The following MTA3 variants were observed in gnomAD, a reference collection of about 807,000 sequenced individuals.
The protein encoded by MTA3 is metastasis-associated protein MTA3.
In MTA3, 34 loss-of-function variants were observed where a neutral mutation model predicts 83.5. That is an observed-to-expected ratio of 0.41 (90% CI 0.31 to 0.54). The LOEUF (loss-of-function observed/expected upper bound fraction) is 0.54, where lower values mean the gene tolerates loss of function less well. Among genes scored for constraint, MTA3 ranks in the 20% least tolerant of loss-of-function variants. The pLI, the probability that MTA3 is intolerant of heterozygous loss-of-function variation, is 0.33. For missense variants in MTA3, 761 were observed against 726.4 expected, an observed-to-expected ratio of 1.05 and a Z score of -0.55; for synonymous variants, 303 against 252.7, an observed-to-expected ratio of 1.20 and a Z score of -1.89.
At chr2:42,661,515 A>G (rs1689710500) in intron 8 of MTA3, among the ~76,000 whole-genome samples, 1 of 145,304 alleles carries the variant, frequency 6.9e-6, no homozygotes, top group Admixed American at 7.1e-5. Context: ...TCAAAAAAAA[A>G]AAAAAAAAAA....
upstream of MTA3, chr2:42,494,168 G>C (rs1674021246): frequency 6.6e-6 from 1 of 152,270 alleles, no homozygotes; most frequent in East Asian, 1.9e-4. Context: ...CCCCGCCCTG[G>C]ACCTCGGGCT....
At chr2:42,590,341 G>C (rs552300973) in intron 3 of MTA3, among the ~76,000 whole-genome samples, 1 of 152,128 alleles carries the variant, frequency 6.6e-6, no homozygotes, top group East Asian at 1.9e-4. Flanking sequence ...TAGTTCCCTA[G>C]AGAGCTGGTT....
chr2:42,753,935 G>A lies in MTA3; in HGVS notation c.*536G>A, dbSNP rs1670067459. The A allele has an allele frequency of 5.1e-6, 5 of 985,736 alleles. No individual in the cohort carries two copies. Among genetic ancestry groups the A allele is most frequent in the South Asian group, 4.7e-5 (1 of 21,422 alleles). The allele number at this position is 985,736 out of a possible 1,614,324, so 61.1% of individuals were successfully genotyped here. A position where few individuals can be genotyped will look rare whatever the true frequency, so the allele number is the denominator to read the frequency against. The stretch of plus-strand genomic sequence containing the variant: ...TGTTACCGTCACTCAGCTTTTTCTC[G>A]ATAGGCTTCATCCTTGTTTTTTTGA... On this transcript the variant is annotated 3_prime_UTR_variant, in exon 17 of 17. Transcript: ENST00000405094.
chr2:42,608,353 C>T (rs1265680232), intron 3 of MTA3, among the ~76,000 whole-genome samples: 1 of 152,002 alleles, frequency 6.6e-6, no homozygotes, highest in East Asian at 1.9e-4. Context: ...AGTAAATGGC[C>T]CTTTTAGTGC....
chr2:42,577,091 TAA>T (rs1173783991), intron 2 of MTA3, among the ~76,000 whole-genome samples: 2 of 19,214 alleles, frequency 1.0e-4, no homozygotes, highest in African/African-American at 3.2e-4. Flanking sequence ...GTACTCCATC[TAA>T]AAAAAAAAAA....
chr2:42,659,654 CTT>C, intron 7 of MTA3, 107 bp from the exon 8 acceptor site: 2 of 732,992 alleles, frequency 2.7e-6, no homozygotes, highest in Non-Finnish European at 1.9e-6. Context: ...GTTTTTGCCT[CTT>C]CTTTTACAGT....
intron 2 of MTA3, among the ~76,000 whole-genome samples, chr2:42,501,787 G>C (rs1450437729): frequency 1.3e-5 from 2 of 152,088 alleles, no homozygotes; most frequent in Non-Finnish European, 2.9e-5. Context: ...AGACCAGCCT[G>C]GGCAACATGG....
At chr2:42,620,058 A>T (rs1009896617) in intron 4 of MTA3, among the ~76,000 whole-genome samples, 11 of 151,836 alleles carry the variant, frequency 7.2e-5, no homozygotes, top group South Asian at 4.1e-4. Context: ...ATACAGTGGC[A>T]TTTAGCACGT....
chr2:42,541,621 G>A (rs542537070), intron 2 of MTA3, among the ~76,000 whole-genome samples: 131 of 152,314 alleles, frequency 8.6e-4, no homozygotes, highest in Non-Finnish European at 1.6e-3. Context: ...GGTGTATTAA[G>A]TGTGTTTTTG....
chr2:42,624,133 A>C (rs1173202761), intron 4 of MTA3, among the ~76,000 whole-genome samples: 2 of 152,066 alleles, frequency 1.3e-5, no homozygotes, highest in East Asian at 3.8e-4. Context: ...TTAGGATGTT[A>C]CTGGAAGTCA....
At chr2:42,498,816 C>T (rs997702059) in intron 2 of MTA3, among the ~76,000 whole-genome samples, 1 of 152,136 alleles carries the variant, frequency 6.6e-6, no homozygotes, top group Non-Finnish European at 1.5e-5. Context: ...ATTGAAAACT[C>T]CTATTTTTAG....
At chr2:42,743,219 A>G (rs989065530) in intron 16 of MTA3, among the ~76,000 whole-genome samples, 2 of 152,230 alleles carry the variant, frequency 1.3e-5, no homozygotes, top group African/African-American at 4.8e-5. Flanking sequence ...TTCCACAGTG[A>G]CAACTACTTG....
At chr2:42,583,673 C>T (rs1281370998) in intron 3 of MTA3, among the ~76,000 whole-genome samples, 2 of 151,958 alleles carry the variant, frequency 1.3e-5, no homozygotes, top group Admixed American at 6.6e-5. Flanking sequence ...AGAGTACACG[C>T]GCATGCCACC....
At chr2:42,595,440 T>C (rs1681683939) in intron 3 of MTA3, among the ~76,000 whole-genome samples, 1 of 152,156 alleles carries the variant, frequency 6.6e-6, no homozygotes, top group Non-Finnish European at 1.5e-5. Context: ...GCCACATGTG[T>C]GTCCTTTTCT....
chr2:42,527,720 A>G (rs1397897072), intron 2 of MTA3, among the ~76,000 whole-genome samples: 2 of 151,928 alleles, frequency 1.3e-5, no homozygotes, highest in Non-Finnish European at 2.9e-5. Flanking sequence ...ATCAGGCATG[A>G]TGGCATTTGC....
chr2:42,619,799 G>A (rs934222013), intron 4 of MTA3, among the ~76,000 whole-genome samples: 1 of 152,116 alleles, frequency 6.6e-6, no homozygotes, highest in African/African-American at 2.4e-5. Flanking sequence ...ACAGTAAGAT[G>A]TTACTTACCT....
At chr2:42,714,214 T>A (rs1666860824) in intron 14 of MTA3, among the ~76,000 whole-genome samples, 1 of 152,218 alleles carries the variant, frequency 6.6e-6, no homozygotes, top group Non-Finnish European at 1.5e-5. Context: ...TTTTTGCCCG[T>A]GGCCTGTTTT....
intron 16 of MTA3, chr2:42,723,417 G>A (rs187450718): frequency 6.7e-4 from 114 of 171,270 alleles, no homozygotes; most frequent in Non-Finnish European, 2.9e-4. Flanking sequence ...GGGTTCTTCA[G>A]TGTTCCATGG....
intron 4 of MTA3, chr2:42,613,552 A>AAGG (rs1441273552): frequency 2.0e-5 from 3 of 152,204 alleles, no homozygotes; most frequent in Non-Finnish European, 2.9e-5. Flanking sequence ...TTGGCTTTAA[A>AAGG]AGGAGAAAAT....
Sources: gnomAD v4.1 joint callset for allele counts (sites outside exome capture counted in the v4.1 genomes callset) on GRCh38, gnomAD v4.1.1 for gene constraint, MANE v1.5 for transcripts, NCBI Gene and HGNC (gene_info 2026-07-23, HGNC 2026-07-21) for gene names.